AGAP1: variants seen among roughly 807,000 people sequenced by gnomAD.
AGAP1 encodes the protein arf-GAP with GTPase, ANK repeat and PH domain-containing protein 1.
Under a neutral mutation model 105.3 loss-of-function variants are expected in AGAP1, and 29 were observed. That is an observed-to-expected ratio of 0.28 (90% CI 0.21 to 0.38). The LOEUF (loss-of-function observed/expected upper bound fraction) is 0.38. Ranked by LOEUF, AGAP1 falls within the 10% of genes least tolerant of loss-of-function variation. The probability of loss-of-function intolerance (pLI) is 1.00; values close to 1 mark genes in which losing one functional copy is unlikely to be tolerated. For missense variants in AGAP1, 998 were observed against 1,165.1 expected (o/e 0.86, Z 2.09); for synonymous variants, 509 against 485.9 (o/e 1.05, Z -0.63).
At position 236,045,955 on chromosome 2, in the gene AGAP1, C is replaced by CGGCGTGG. The variant is rs1559222702; in HGVS notation, c.1892-3101_1892-3100insGTGGGGC. On this transcript the variant is annotated intron_variant, in intron 15 of 17. Transcript: ENST00000304032. This position sits in a 1 kb window ranked among gnomAD's most constrained non-coding sequence, Gnocchi z 6.9. ...TTTGGGTTTCAGAGAATTCGGAGTC[C>CGGCGTGG]GGCACAGGAATGTGTCCCACGCATG... The CGGCGTGG allele has an allele frequency of 2.1e-6, 1 of 471,646 alleles. No individual in the cohort carries two copies. The highest frequency in any genetic ancestry group is 2.3e-5 in the Admixed American group (1 of 42,582). 29.2% of individuals were successfully genotyped at this position (471,646 alleles called of 1,614,324 possible).
At chr2:236,019,446 G>T (rs2056815859) in intron 13 of AGAP1, among the ~76,000 whole-genome samples, 2 of 152,236 alleles carry the variant, frequency 1.3e-5, no homozygotes, top group African/African-American at 4.8e-5. Flanking sequence ...GGATGTGACA[G>T]GAACCACAGT....
In AGAP1 at chr2:235,620,204, A is replaced by G. The variant is rs1436329261; in HGVS notation, c.164-88975A>G. 6.6e-6 allele frequency among the ~76,000 whole-genome samples: 1 copy of G among 152,166 alleles called. No homozygotes were observed. The highest frequency in any genetic ancestry group is 2.4e-5 in the African/African-American group (1 of 41,430). On this transcript the variant is annotated intron_variant, in intron 1 of 17. Coordinates refer to ENST00000304032, the MANE Select transcript of AGAP1 (RefSeq NM_001037131.3). This position sits in a 1 kb window ranked among gnomAD's most constrained non-coding sequence, Gnocchi z 4.5. ...AGCAAATGCTGGGCTGTGCCTTCAA[A>G]GTATATCCAGGATGCAGTGGCTTCC...
rs1384053008 is a variant in AGAP1, at chr2:235,983,134, A to C, written c.1645+14511A>C. ...AGGAAGCTGGCCTCAGGGGTCTCCC[A>C]GGATGCTGGGGCTGGTGGACGACCC... On this transcript the variant is annotated intron_variant, in intron 13 of 17. Transcript: ENST00000304032. This position sits in a 1 kb window ranked among gnomAD's most constrained non-coding sequence, Gnocchi z 4.5. Among the ~76,000 whole-genome samples the C allele has an allele frequency of 6.6e-6, 1 of 152,122 alleles. No individual in the cohort carries two copies. Among genetic ancestry groups the C allele is most frequent in the Non-Finnish European group, 1.5e-5 (1 of 68,018 alleles).
At chr2:235,873,796 C>T (rs565947999) in intron 9 of AGAP1, among the ~76,000 whole-genome samples, 6 of 152,202 alleles carry the variant, frequency 3.9e-5, no homozygotes, top group Non-Finnish European at 7.3e-5. Context: ...GGCACAATCA[C>T]GACTCACTGC....
rs1350433956 is a variant in AGAP1, at chr2:235,747,155, A to ACCCCAC, written c.538+2321_538+2326dup. 6.6e-6 allele frequency among the ~76,000 whole-genome samples: 1 copy of ACCCCAC among 151,896 alleles called. No individual in the cohort carries two copies. The highest frequency in any genetic ancestry group is 1.9e-4 in the East Asian group (1 of 5,134). On this transcript the variant is annotated intron_variant, in intron 5 of 17. Coordinates refer to ENST00000304032, the MANE Select transcript of AGAP1 (RefSeq NM_001037131.3). The surrounding 1 kb of genome is among the most constrained non-coding windows in gnomAD (Gnocchi z 5.0). ...TCCAGGGTCCTGCCTGGAATCCTGA[A>ACCCCAC]CCCCACCCCCCACTGTCCCTGCCCC...
intron 9 of AGAP1, among the ~76,000 whole-genome samples, chr2:235,813,942 T>C (rs1958303664): frequency 6.6e-6 from 1 of 152,190 alleles, no homozygotes; most frequent in Admixed American, 6.5e-5. Context: ...GTGGCCGGAC[T>C]CTCCTCCTAC....
chr2:236,119,206 C>T lies in AGAP1; in HGVS notation c.2115-986C>T, dbSNP rs544334795. Among the ~76,000 whole-genome samples the T allele has an allele frequency of 5.9e-5, 9 of 152,182 alleles. No homozygotes were observed. In the South Asian group the frequency reaches 1.9e-3, roughly 32 times the overall value. On this transcript the variant is annotated intron_variant, in intron 16 of 17. Coordinates refer to ENST00000304032, the MANE Select transcript of AGAP1 (RefSeq NM_001037131.3). The surrounding 1 kb of genome is among the most constrained non-coding windows in gnomAD (Gnocchi z 6.6). ...TCAGCATCATCCACTCTCCACACCT[C>T]CGACCCCATCCACCCCCTCCCCAGC...
chr2:235,727,274 G>A (rs1038927258), intron 3 of AGAP1, among the ~76,000 whole-genome samples: 4 of 151,988 alleles, frequency 2.6e-5, no homozygotes, highest in Admixed American at 6.6e-5. Flanking sequence ...AGAAAAGGCC[G>A]GGAGGCAAGT....
chr2:235,795,880 A>G (rs1957220497), intron 6 of AGAP1, among the ~76,000 whole-genome samples: 1 of 152,178 alleles, frequency 6.6e-6, no homozygotes, highest in Non-Finnish European at 1.5e-5. Context: ...GACTCTTCCT[A>G]GACTCCATAG....
In AGAP1 at chr2:235,611,952, A is replaced by T. The variant is rs910494757; in HGVS notation, c.164-97227A>T. On this transcript the variant is annotated intron_variant, in intron 1 of 17. Coordinates refer to ENST00000304032, the MANE Select transcript of AGAP1 (RefSeq NM_001037131.3). The surrounding 1 kb of genome is among the most constrained non-coding windows in gnomAD (Gnocchi z 5.0). ...GGTTTAAGGGTTGAGACCACATCCT[A>T]GGTGGCGGTCACAAACCCGGCCCAG... Among the ~76,000 whole-genome samples the T allele has an allele frequency of 1.3e-5, 2 of 152,280 alleles. No homozygotes were observed. Among genetic ancestry groups the T allele is most frequent in the African/African-American group, 4.8e-5 (2 of 41,566 alleles).
intron 9 of AGAP1, among the ~76,000 whole-genome samples, chr2:235,816,937 C>T (rs1447752586): frequency 6.6e-6 from 1 of 151,980 alleles, no homozygotes; most frequent in Non-Finnish European, 1.5e-5. Flanking sequence ...GAAATTGTAT[C>T]ATTAAAGTCT....
chr2:235,648,277 C>A (rs1187551711), intron 1 of AGAP1, among the ~76,000 whole-genome samples: 1 of 152,082 alleles, frequency 6.6e-6, no homozygotes, highest in African/African-American at 2.4e-5. Flanking sequence ...TTTCTTTTGT[C>A]TGCTGTTGTT....
intron 11 of AGAP1, among the ~76,000 whole-genome samples, chr2:235,929,809 TG>T (rs2052634694): frequency 6.6e-6 from 1 of 152,234 alleles, no homozygotes; most frequent in African/African-American, 2.4e-5. Context: ...CAGGAAATTC[TG>T]GTAATTGGCC....
chr2:235,897,502 G>T (rs2050863398), intron 10 of AGAP1, among the ~76,000 whole-genome samples: 2 of 152,192 alleles, frequency 1.3e-5, no homozygotes, highest in African/African-American at 2.4e-5. Flanking sequence ...TGGCTGGAGG[G>T]TTTGAGTCTC....
intron 11 of AGAP1, among the ~76,000 whole-genome samples, chr2:235,915,910 C>A (rs375996854): frequency 9.2e-5 from 14 of 152,024 alleles, no homozygotes; most frequent in African/African-American, 3.4e-4. Context: ...TTAAAACACA[C>A]CAAAAATAGG....
At chr2:235,626,366 C>T (rs554938698) in intron 1 of AGAP1, among the ~76,000 whole-genome samples, 75 of 152,196 alleles carry the variant, frequency 4.9e-4, no homozygotes, top group Non-Finnish European at 6.3e-4. Context: ...AAGCCAAAAA[C>T]GAACTGAATA....
rs780916189 is a variant in AGAP1, at chr2:236,000,686, ATT to A, written c.1645+32065_1645+32066del. On this transcript the variant is annotated intron_variant, in intron 13 of 17. Coordinates refer to ENST00000304032, the MANE Select transcript of AGAP1 (RefSeq NM_001037131.3). The surrounding 1 kb of genome is among the most constrained non-coding windows in gnomAD (Gnocchi z 4.3). Reference sequence around the variant, plus strand: ...CACAGTGAAGAATAAAACACAGGTGATTTCAGATAGTGGCACATGCCTGAGGC... The same window carrying A: ...CACAGTGAAGAATAAAACACAGGTGATCAGATAGTGGCACATGCCTGAGGC... Among the ~76,000 whole-genome samples the A allele has an allele frequency of 3.9e-5, 6 of 152,196 alleles. No individual in the cohort carries two copies. The highest frequency in any genetic ancestry group is 8.8e-5 in the Non-Finnish European group (6 of 68,038).
Position 235,753,447 on chromosome 2 carries a change from G to A in AGAP1, c.673+2959G>A, listed in dbSNP as rs1378536441. Among the ~76,000 whole-genome samples, 1 of 152,114 alleles carries A rather than the reference G, an allele frequency of 6.6e-6. No homozygotes were observed. Among genetic ancestry groups the A allele is most frequent in the Non-Finnish European group, 1.5e-5 (1 of 68,012 alleles). On this transcript the variant is annotated intron_variant, in intron 6 of 17. Transcript: ENST00000304032. This position sits in a 1 kb window ranked among gnomAD's most constrained non-coding sequence, Gnocchi z 4.5. ...TGGCTGGGCGCAGTGGCTCAGGCCT[G>A]TAATCCCAACACTTTGGGAGGCTGA...
At chr2:235,838,562 A>G (rs1387275401) in intron 9 of AGAP1, among the ~76,000 whole-genome samples, 2 of 152,190 alleles carry the variant, frequency 1.3e-5, no homozygotes, top group African/African-American at 4.8e-5. Context: ...TACTGACCAT[A>G]TGTATGTATT....
Sources: gnomAD v4.1 joint callset for allele counts (sites outside exome capture counted in the v4.1 genomes callset) on GRCh38, gnomAD v4.1.1 for gene constraint, Gnocchi (gnomAD v3.1) non-coding constraint, MANE v1.5 for transcripts, NCBI Gene and HGNC (gene_info 2026-07-23, HGNC 2026-07-21) for gene names.